TENM4: variants seen among roughly 807,000 people sequenced by gnomAD.
The protein encoded by TENM4 is teneurin-4.
In TENM4, 82 loss-of-function variants were observed where a neutral mutation model predicts 243.3. The ratio of observed to expected loss-of-function variants is 0.34; its 90% confidence interval spans 0.28 to 0.40. The LOEUF (loss-of-function observed/expected upper bound fraction) is 0.40, where lower values mean the gene tolerates loss of function less well. TENM4 is among the 10% of genes least tolerant of loss of function. The pLI, the probability that TENM4 is intolerant of heterozygous loss-of-function variation, is 1.00. For missense variants in TENM4, 3,138 were observed against 3,673.3 expected, an observed-to-expected ratio of 0.85 and a Z score of 3.77; for synonymous variants, 1,412 against 1,456.3, an observed-to-expected ratio of 0.97 and a Z score of 0.69.
At chr11:78,966,575 G>T (rs182368886) in intron 6 of TENM4, among the ~76,000 whole-genome samples, 128 of 152,266 alleles carry the variant, frequency 8.4e-4, no homozygotes, top group Non-Finnish European at 1.3e-3. Context: ...GCAGAGGTAG[G>T]ACCTGTCAGA....
chr11:78,852,836 A>G (rs937091789), intron 12 of TENM4, among the ~76,000 whole-genome samples: 4 of 151,996 alleles, frequency 2.6e-5, no homozygotes, highest in African/African-American at 9.7e-5. Flanking sequence ...TGCAACCTCA[A>G]TCTCCTGGGC....
chr11:78,854,440 T>A, intron 11 of TENM4, 126 bp from the exon 12 acceptor site: 1 of 835,564 alleles, frequency 1.2e-6, no homozygotes, highest in Non-Finnish European at 1.7e-6. Flanking sequence ...CCAAAGAGGC[T>A]AAGGGTGCAG....
intron 31 of TENM4, among the ~76,000 whole-genome samples, chr11:78,671,461 G>A (rs528095766): frequency 6.6e-6 from 1 of 152,318 alleles, no homozygotes; most frequent in African/African-American, 2.4e-5. Context: ...CTTGTTCTCA[G>A]GAAAAGATCA....
intron 4 of TENM4, among the ~76,000 whole-genome samples, chr11:79,121,155 C>T (rs1166060479): frequency 1.3e-5 from 2 of 152,196 alleles, no homozygotes; most frequent in South Asian, 4.2e-4. Context: ...GGAGCTAGGG[C>T]TTTCCTGTCT....
chr11:79,310,310 T>C (rs115108953), intron 1 of TENM4, among the ~76,000 whole-genome samples: 1,616 of 152,246 alleles, frequency 0.011, 29 homozygotes, highest in African/African-American at 0.034. Flanking sequence ...AGTTAACATG[T>C]CAAATGGTCC....
chr11:79,117,067 A>G (rs1345496673), intron 4 of TENM4, among the ~76,000 whole-genome samples: 2 of 152,236 alleles, frequency 1.3e-5, no homozygotes, highest in Admixed American at 6.5e-5. Flanking sequence ...CAGCTACCCA[A>G]TGTAGCTGTT....
chr11:79,439,328 G>C (rs1489965759), intron 1 of TENM4: 2 of 152,084 alleles, frequency 1.3e-5, no homozygotes, highest in African/African-American at 4.8e-5. Flanking sequence ...CCACGGTTAG[G>C]GGGTGGGAGG....
chr11:78,724,815 G>A (rs1855478111), intron 23 of TENM4, among the ~76,000 whole-genome samples: 1 of 152,246 alleles, frequency 6.6e-6, no homozygotes, highest in African/African-American at 2.4e-5. Flanking sequence ...TACAATGCAA[G>A]GGACTTGCTC....
intron 6 of TENM4, among the ~76,000 whole-genome samples, chr11:79,018,144 T>C (rs989644996): frequency 2.0e-5 from 3 of 152,156 alleles, no homozygotes; most frequent in African/African-American, 7.2e-5. Context: ...AAGGACCTCT[T>C]AATCCTAGAT....
chr11:78,912,340 C>T (rs552880719), intron 6 of TENM4, among the ~76,000 whole-genome samples: 27 of 152,272 alleles, frequency 1.8e-4, no homozygotes, highest in African/African-American at 5.1e-4. Flanking sequence ...CTGCAACCTC[C>T]GTCTCATGGG....
At position 78,780,909 on chromosome 11, in the gene TENM4, A is replaced by G. The variant is rs80263580; in HGVS notation, c.2366-2281T>C. 9.5e-3 allele frequency among the ~76,000 whole-genome samples: 1,441 copies of G among 152,302 alleles called. 25 individuals carry two copies. Among genetic ancestry groups the G allele is most frequent in the African/African-American group, 0.033 (1,374 of 41,576 alleles). On this transcript the variant is annotated intron_variant, in intron 16 of 33. Coordinates refer to ENST00000278550, the MANE Select transcript of TENM4 (RefSeq NM_001098816.3). ...TTCAGGAGACAAAAGTAGACATTCAAAACTTCAAATCCTGACTCCACAAAT... is the reference window on the plus strand; with the variant it reads ...TTCAGGAGACAAAAGTAGACATTCAGAACTTCAAATCCTGACTCCACAAAT...
Position 78,657,605 on chromosome 11 carries a change from C to T in TENM4, c.*453G>A, listed in dbSNP as rs1421854999. The T allele has an allele frequency of 3.0e-6, 1 of 337,538 alleles. No individual in the cohort carries two copies. Among genetic ancestry groups the T allele is most frequent in the Non-Finnish European group, 5.5e-6 (1 of 181,260 alleles). The allele number at this position is 337,538 out of a possible 1,614,324, so 20.9% of individuals were successfully genotyped here. On this transcript the variant is annotated 3_prime_UTR_variant, in exon 34 of 34. Transcript: ENST00000278550. ...AGGCCCCCTTGGAAGGGGTGTTGTACTGGCCCATCACTCCCTTTACTCCTG... is the reference window on the plus strand; with the variant it reads ...AGGCCCCCTTGGAAGGGGTGTTGTATTGGCCCATCACTCCCTTTACTCCTG...
chr11:79,286,135 G>A (rs1565283703), intron 2 of TENM4, among the ~76,000 whole-genome samples: 1 of 152,156 alleles, frequency 6.6e-6, no homozygotes, highest in Non-Finnish European at 1.5e-5. Context: ...TAGAAGTGGT[G>A]CAATGAAAGG....
intron 6 of TENM4, among the ~76,000 whole-genome samples, chr11:78,969,942 C>T (rs896874402): frequency 2.0e-5 from 3 of 152,244 alleles, no homozygotes; most frequent in Non-Finnish European, 2.9e-5. Flanking sequence ...GCACACTGCC[C>T]TGATGGATTC....
intron 6 of TENM4, among the ~76,000 whole-genome samples, chr11:78,929,009 C>T (rs1185919238): frequency 6.6e-6 from 1 of 152,184 alleles, no homozygotes; most frequent in Non-Finnish European, 1.5e-5. Context: ...CATGGCTGGG[C>T]CCGGAGTCTC....
chr11:78,935,356 G>T (rs1016404766), intron 6 of TENM4, among the ~76,000 whole-genome samples: 7 of 152,312 alleles, frequency 4.6e-5, no homozygotes, highest in African/African-American at 1.4e-4. Flanking sequence ...TGGAAAAAAG[G>T]AAGGGGAAGA....
At chr11:79,052,273 T>A (rs375441614) in intron 6 of TENM4, among the ~76,000 whole-genome samples, 18 of 152,348 alleles carry the variant, frequency 1.2e-4, no homozygotes, top group African/African-American at 4.3e-4. Flanking sequence ...TCTGTAAACT[T>A]GCCAGCATCT....
intron 4 of TENM4, among the ~76,000 whole-genome samples, chr11:79,144,111 AT>A (rs1385646091): frequency 1.3e-5 from 2 of 152,074 alleles, no homozygotes; most frequent in Non-Finnish European, 2.9e-5. Context: ...CAGGAAAAAA[AT>A]ATAATAATTT....
chr11:78,910,477 C>T (rs764758805), intron 6 of TENM4, among the ~76,000 whole-genome samples: 1 of 152,188 alleles, frequency 6.6e-6, no homozygotes, highest in African/African-American at 2.4e-5. Context: ...TTATGAAGGC[C>T]GGAAAGCTCT....
Sources: gnomAD v4.1 joint callset for allele counts (sites outside exome capture counted in the v4.1 genomes callset) on GRCh38, gnomAD v4.1.1 for gene constraint, MANE v1.5 for transcripts, NCBI Gene and HGNC (gene_info 2026-07-23, HGNC 2026-07-21) for gene names.